ZFYVE26: variants seen among roughly 807,000 people sequenced by gnomAD.
ZFYVE26 encodes zinc finger FYVE domain-containing protein 26.
A neutral mutation model predicts 276.5 loss-of-function variants in ZFYVE26; 181 were observed. That is an observed-to-expected ratio of 0.65 (90% CI 0.58 to 0.74). ZFYVE26 has a LOEUF of 0.74. ZFYVE26 is among the 30% of genes least tolerant of loss of function. The pLI, the probability that ZFYVE26 is intolerant of heterozygous loss-of-function variation, is 0.00. For synonymous variants in ZFYVE26, 1,129 were observed against 1,203.1 expected, an observed-to-expected ratio of 0.94 and a Z score of 1.27; for missense variants, 2,821 against 3,097.9, an observed-to-expected ratio of 0.91 and a Z score of 2.12.
chr14:67,801,845 C>T (rs909756600), intron 10 of ZFYVE26, among the ~76,000 whole-genome samples: 8 of 152,234 alleles, frequency 5.3e-5, no homozygotes, highest in Middle Eastern at 3.4e-3. Flanking sequence ...TTTAAAAAAG[C>T]GTTTGGAAAA....
chr14:67,754,972 A>G (rs2038740054), intron 37 of ZFYVE26, 79 bp downstream of exon 37: 1 of 1,489,138 alleles, frequency 6.7e-7, no homozygotes, highest in Non-Finnish European at 9.4e-7. Flanking sequence ...AGGAATGGAC[A>G]AGAGTAGCTT....
rs916589993 is a variant in ZFYVE26, at chr14:67,772,195, T to C, written c.5336A>G (p.His1779Arg). The stretch of plus-strand genomic sequence containing the variant: ...ACTCCTTTCCCTTAGACTAGGGGAA[T>C]GTATACTGGAGATACCTGGGAGGCA... ...PAAPPGISSI[H>R]SPSLRERSFP... Residue 1779 changes from histidine to arginine, a missense_variant, in exon 28 of 42, where the codon CAT becomes CGT. Coordinates refer to ENST00000347230, the MANE Select transcript of ZFYVE26 (RefSeq NM_015346.4). The C allele has an allele frequency of 1.9e-6, 3 of 1,613,066 alleles. No individual in the cohort carries two copies. The highest frequency in any genetic ancestry group is 2.2e-5 in the South Asian group (2 of 90,786).
Position 67,798,364 on chromosome 14 carries a change from C to T in ZFYVE26, c.1898G>A (p.Gly633Asp). The T allele has an allele frequency of 6.2e-7, 1 of 1,609,740 alleles. No individual in the cohort carries two copies. The highest frequency in any genetic ancestry group is 8.5e-7 in the Non-Finnish European group (1 of 1,177,396). The part of the protein sequence containing the change: ...IAHPERKSER[G>D]SLGVPKTLAY... ...AAGGGTCTTTGGGACTCCCAGGGAA[C>T]CCCGTTCTGACTTCCTTTCAGGATG... The change falls in exon 11 of 42, where the codon GGT becomes GAT. Residue 633 changes from glycine (G) to aspartate (D), a missense_variant. Gly to Asp is a moderately conservative substitution (Grantham distance 94). Coordinates refer to ENST00000347230, the MANE Select transcript of ZFYVE26 (RefSeq NM_015346.4).
rs755205760 is a variant in ZFYVE26, at chr14:67,786,157, C to A, written c.3096G>T (p.Lys1032Asn). The change falls in exon 17 of 42, where the codon AAG (lysine) becomes AAT (asparagine). Residue 1032 changes from lysine (K) to asparagine (N), a missense_variant. Coordinates refer to ENST00000347230, the MANE Select transcript of ZFYVE26 (RefSeq NM_015346.4). ...GFPVVLQQIS[K>N]SLNYLLMSAS... ...CTGACATAAGCAGATAATTGAGACT[C>A]TTACTGATTTGCTGAAGAACAACTG... 6.2e-7 allele frequency: 1 copy of A among 1,611,778 alleles called. No homozygotes were observed. Among genetic ancestry groups the A allele is most frequent in the Non-Finnish European group, 8.5e-7 (1 of 1,179,410 alleles).
In ZFYVE26 at chr14:67,777,638, T is replaced by C. The variant is rs1401821598; in HGVS notation, c.4895A>G (p.Asn1632Ser). 3 of 1,614,142 alleles carry C rather than the reference T, an allele frequency of 1.9e-6. No homozygotes were observed. Among genetic ancestry groups the C allele is most frequent in the Admixed American group, 1.7e-5 (1 of 60,024 alleles). Residue 1632 changes from asparagine to serine, a missense_variant, in exon 25 of 42, where the codon AAC becomes AGC. Asn to Ser is a conservative substitution (Grantham distance 46). Coordinates refer to ENST00000347230, the MANE Select transcript of ZFYVE26 (RefSeq NM_015346.4). ...TSLATSHFLA[N>S]YLTTHFYGQL... ...TCCATAGAAGTGGGTGGTGAGGTAG[T>C]TGGCCAAGAAGTGAGAAGTGGCCAA...
At chr14:67,762,611 T>C in intron 33 of ZFYVE26, 61 bp downstream of exon 33, 1 of 1,607,838 alleles carries the variant, frequency 6.2e-7, no homozygotes. Context: ...TTTGCAAGGC[T>C]AAGCAAAAGC....
At position 67,781,360 on chromosome 14, in the gene ZFYVE26, C is replaced by T; in HGVS notation, c.4542G>A (p.Lys1514=). ...QEGLKCELQR[K]LAELQVYQKI... Reference sequence around the variant, plus strand: ...TCTGATACACCTGCAGCTCCGCCAGCTTCCTCTGTAGCTCACACTTTAGTC... The same window carrying T: ...TCTGATACACCTGCAGCTCCGCCAGTTTCCTCTGTAGCTCACACTTTAGTC... Residue 1514 remains lysine, a synonymous_variant, in exon 22 of 42, where the codon AAG becomes AAA. Transcript: ENST00000347230. 1 of 1,614,212 alleles carries T rather than the reference C, an allele frequency of 6.2e-7. No homozygotes were observed.
In ZFYVE26 at chr14:67,777,750, T is replaced by C; in HGVS notation, c.4798-15A>G. 6.2e-7 allele frequency: 1 copy of C among 1,614,030 alleles called. No homozygotes were observed. Among genetic ancestry groups the C allele is most frequent in the Non-Finnish European group, 8.5e-7 (1 of 1,179,974 alleles). ...CTTCGCAGGAGCTATTGTCAAAGGG[T>C]AGAGGAGGAAGGTGTGGCCTGCAGA... is the stretch of plus-strand genomic sequence containing the variant. On this transcript the variant is annotated splice_polypyrimidine_tract_variant and intron_variant, in intron 24 of 41. Coordinates refer to ENST00000347230, the MANE Select transcript of ZFYVE26 (RefSeq NM_015346.4).
At chr14:67,805,055 G>C (rs2040149098) in intron 8 of ZFYVE26, among the ~76,000 whole-genome samples, 162 bp downstream of exon 8, 2 of 152,208 alleles carry the variant, frequency 1.3e-5, no homozygotes, top group African/African-American at 4.8e-5. Context: ...ATAATTACTT[G>C]TGTTTCTTTC....
At chr14:67,788,478 C>T (rs1342049524) in intron 16 of ZFYVE26, among the ~76,000 whole-genome samples, 1 of 152,204 alleles carries the variant, frequency 6.6e-6, no homozygotes, top group Non-Finnish European at 1.5e-5. Context: ...ACTGCTGGCA[C>T]AACTCATTGC....
intron 12 of ZFYVE26, chr14:67,797,287 G>A: frequency 3.2e-6 from 1 of 307,858 alleles, no homozygotes; most frequent in Non-Finnish European, 6.3e-6. Context: ...GTAAACAACT[G>A]GAAACTTAAA....
chr14:67,749,354 C>A (rs928314375), intron 41 of ZFYVE26, among the ~76,000 whole-genome samples: 1 of 152,160 alleles, frequency 6.6e-6, no homozygotes, highest in African/African-American at 2.4e-5. Context: ...ACTCTGCCTG[C>A]TTGGACCAAA....
chr14:67,766,165 A>G, intron 32 of ZFYVE26, 62 bp downstream of exon 32: 1 of 1,521,058 alleles, frequency 6.6e-7, no homozygotes, highest in Non-Finnish European at 9.1e-7. Context: ...CAGTGGGGTC[A>G]GAAAAAGAAG....
chr14:67,778,357 T>G, intron 23 of ZFYVE26, 109 bp from the exon 24 acceptor site: 1 of 1,393,412 alleles, frequency 7.2e-7, no homozygotes, highest in Non-Finnish European at 1.0e-6. Flanking sequence ...TGATGGGAAC[T>G]TCACTATGAT....
chr14:67,806,779 ACTTAGG>A, intron 5 of ZFYVE26, 104 bp from the exon 6 acceptor site: 1 of 1,425,860 alleles, frequency 7.0e-7, no homozygotes, highest in South Asian at 1.2e-5. Flanking sequence ...TCTTTTAAAA[ACTTAGG>A]CTGGGTTTTC....
At chr14:67,803,989 C>T in intron 9 of ZFYVE26, 112 bp downstream of exon 9, 2 of 1,458,234 alleles carry the variant, frequency 1.4e-6, no homozygotes, top group East Asian at 4.5e-5. Context: ...GACCTCCTCA[C>T]CACCCTCTTG....
chr14:67,737,706 CA>C (rs1237366087), intron 13 of ZFYVE26, among the ~76,000 whole-genome samples: 1 of 152,144 alleles, frequency 6.6e-6, no homozygotes, highest in Non-Finnish European at 1.5e-5. Context: ...ATATGTATCA[CA>C]CAAAAGAGTA....
Position 67,793,752 on chromosome 14 carries a change from A to G in ZFYVE26, c.2409T>C (p.Ser803=), listed in dbSNP as rs781642527. 3.3e-5 allele frequency: 54 copies of G among 1,613,716 alleles called. No homozygotes were observed. The highest frequency in any genetic ancestry group is 4.3e-5 in the Non-Finnish European group (51 of 1,179,958). Residue 803 remains serine, a synonymous_variant, in exon 14 of 42, where the codon AGT becomes AGC. Coordinates refer to ENST00000347230, the MANE Select transcript of ZFYVE26 (RefSeq NM_015346.4). The stretch of plus-strand genomic sequence containing the variant: ...CATTCCGGCCAGACATGGCACTCAG[A>G]CTTCCCTCTGTTGGGACACAAGAAT... The part of the protein sequence containing the change: ...SELSTSTSEG[S]LSAMSGRNEL...
chr14:67,750,959 G>C, intron 41 of ZFYVE26, 93 bp downstream of exon 41: 1 of 1,475,882 alleles, frequency 6.8e-7, no homozygotes, highest in Non-Finnish European at 9.5e-7. Context: ...GGGTTGTATG[G>C]AACTATTGTG....
Sources: allele counts gnomAD v4.1 joint callset (sites outside exome capture counted in the v4.1 genomes callset), GRCh38; gene constraint gnomAD v4.1.1; transcripts MANE v1.5; gene names NCBI Gene and HGNC (gene_info 2026-07-23, HGNC 2026-07-21).